The following ASB14 variants were observed in gnomAD, a reference collection of about 807,000 sequenced individuals.
ASB14 encodes ankyrin repeat and SOCS box containing 14, also known as ankyrin repeat and SOCS box protein 14.
In ASB14, 63 loss-of-function variants were observed where a neutral mutation model predicts 55.6. The observed-to-expected ratio is 1.13, with a 90% confidence interval of 0.92 to 1.40. ASB14 has a LOEUF of 1.40. Among genes scored for constraint, ASB14 ranks in the 40% most tolerant of loss-of-function variants. ASB14 has a pLI of 0.00. For missense variants in ASB14, 724 were observed against 710.4 expected (o/e 1.02, Z -0.22); for synonymous variants, 256 against 259.9 (o/e 0.98, Z 0.15).
chr3:57,280,251 AAGGT>A, intron 7 of ASB14, 47 bp downstream of exon 7: 1 of 1,241,786 alleles, frequency 8.1e-7, no homozygotes, highest in South Asian at 1.7e-5. Context: ...CACAAAATAA[AAGGT>A]AGCTATTACT....
In ASB14 at chr3:57,268,666, A is replaced by G; in HGVS notation, c.*975T>C. 1 of 518,682 alleles carries G rather than the reference A, an allele frequency of 1.9e-6. No individual in the cohort carries two copies. The highest frequency in any genetic ancestry group is 3.0e-6 in the Non-Finnish European group (1 of 330,118). 32.1% of individuals were successfully genotyped at this position (518,682 alleles called of 1,614,324 possible). A position where few individuals can be genotyped will look rare whatever the true frequency, so the allele number is the denominator to read the frequency against. On this transcript the variant is annotated 3_prime_UTR_variant, in exon 11 of 11. Transcript: ENST00000487349. Reference sequence around the variant, plus strand: ...ACATCTGTTTTTTGATATGATGTTTACATTATAGTTACGTTGACATGTAAT... The same window carrying G: ...ACATCTGTTTTTTGATATGATGTTTGCATTATAGTTACGTTGACATGTAAT...
At position 57,288,708 on chromosome 3, in the gene ASB14, C is replaced by CTTTTTTTTTTT. The variant is rs747854434; in HGVS notation, c.178+349_178+359dup. Among the ~76,000 whole-genome samples, 21 of 102,380 alleles carry CTTTTTTTTTTT rather than the reference C, an allele frequency of 2.1e-4. 1 individual carries two copies. The highest frequency in any genetic ancestry group is 1.6e-3 in the East Asian group (4 of 2,524). The allele number at this position is 102,380 out of a possible 152,430, so 67.2% of individuals were successfully genotyped here. On this transcript the variant is annotated intron_variant, in intron 3 of 10. Coordinates refer to ENST00000487349, the MANE Select transcript of ASB14 (RefSeq NM_001142733.3). Reference sequence around the variant, plus strand: ...GCCAGCCATCACCATCATATCTTTCCTTTTTTTTTTTTTTTTTTTTTTGTG... The same window carrying CTTTTTTTTTTT: ...GCCAGCCATCACCATCATATCTTTCCTTTTTTTTTTTTTTTTTTTTTTTTTTTTTTTTTGTG...
At chr3:57,286,444 CTAA>C (rs916119126) in intron 5 of ASB14, among the ~76,000 whole-genome samples, 6 of 141,108 alleles carry the variant, frequency 4.3e-5, no homozygotes, top group Middle Eastern at 3.5e-3. Flanking sequence ...ACAAAATTCT[CTAA>C]TAATTGGCTT....
intron 10 of ASB14, chr3:57,273,064 T>G (rs1429264945): frequency 6.6e-6 from 1 of 152,480 alleles, no homozygotes; most frequent in East Asian, 1.9e-4. Context: ...TAGTAAGACA[T>G]AAAGATTTGA....
chr3:57,271,250 T>A (rs974790598), intron 10 of ASB14: 3 of 152,604 alleles, frequency 2.0e-5, no homozygotes, highest in Non-Finnish European at 4.4e-5. Context: ...TTGTTTTCTG[T>A]AGGAATAGGA....
intron 5 of ASB14, 60 bp downstream of exon 5, chr3:57,287,841 C>G: frequency 6.7e-7 from 1 of 1,502,186 alleles, no homozygotes; most frequent in South Asian, 1.2e-5. Flanking sequence ...CCTTTGAAAC[C>G]TGGGGGCATG....
At chr3:57,269,647 A>G in intron 10 of ASB14, 29 bp from the exon 11 acceptor site, 1 of 1,614,054 alleles carries the variant, frequency 6.2e-7, no homozygotes, top group East Asian at 2.2e-5. Context: ...GAAGAGAGTG[A>G]TTTGGGAGAA....
chr3:57,277,853 T>A lies in ASB14; in HGVS notation c.1499A>T (p.Asp500Val), dbSNP rs776891555. 2 of 1,613,938 alleles carry A rather than the reference T, an allele frequency of 1.2e-6. No homozygotes were observed. The highest frequency in any genetic ancestry group is 1.7e-6 in the Non-Finnish European group (2 of 1,179,862). Residue 500 changes from aspartate to valine, a missense_variant, in exon 9 of 11, where the codon GAT becomes GTT. Physicochemically the swap from Asp to Val is radical, Grantham distance 152. Transcript: ENST00000487349. ...ACAGATCCGAACTTGATCAACATAA[T>A]CAAGCATCACTCGAACAACCTTTCC... The part of the protein sequence containing the change: ...LSGKVVRVML[D>V]YVDQVRICSK...
intron 10 of ASB14, 76 bp downstream of exon 10, chr3:57,276,452 T>G: frequency 9.2e-7 from 1 of 1,085,264 alleles, no homozygotes; most frequent in Non-Finnish European, 1.3e-6. Context: ...GCATTGAGAT[T>G]TTAGTTGGTG....
Position 57,269,434 on chromosome 3 carries a change from A to G in ASB14, c.*207T>C. ...TTATCAAGTTGTCAGAAGTATGCAT[A>G]CATATTTATGACAGAAGAAGTGGCT... On this transcript the variant is annotated 3_prime_UTR_variant, in exon 11 of 11. Coordinates refer to ENST00000487349, the MANE Select transcript of ASB14 (RefSeq NM_001142733.3). 2 of 1,127,820 alleles carry G rather than the reference A, an allele frequency of 1.8e-6. No individual in the cohort carries two copies. Among genetic ancestry groups the G allele is most frequent in the Non-Finnish European group, 2.5e-6 (2 of 809,972 alleles). The allele number at this position is 1,127,820 out of a possible 1,614,324, so 69.9% of individuals were successfully genotyped here. A position where few individuals can be genotyped will look rare whatever the true frequency, so the allele number is the denominator to read the frequency against.
chr3:57,292,232 A>G (rs1273304981), intron 1 of ASB14, 128 bp from the exon 2 acceptor site: 3 of 582,894 alleles, frequency 5.1e-6, no homozygotes, highest in Non-Finnish European at 7.9e-6. Context: ...AGTTTTGTGG[A>G]CTGCCACAGA....
chr3:57,275,148 G>A (rs879713152), intron 10 of ASB14, among the ~76,000 whole-genome samples: 8 of 151,912 alleles, frequency 5.3e-5, no homozygotes, highest in African/African-American at 7.3e-5. Flanking sequence ...AGTTACCTGC[G>A]GCCCAAAACT....
At chr3:57,279,228 C>T (rs2061016101) in intron 7 of ASB14, among the ~76,000 whole-genome samples, 2 of 149,300 alleles carry the variant, frequency 1.3e-5, no homozygotes, top group Admixed American at 1.3e-4. Context: ...GGTTAAACAG[C>T]CATTTCTAGT....
Position 57,279,694 on chromosome 3 carries a change from G to A in ASB14, c.887+608C>T, listed in dbSNP as rs143113413. 1.6e-3 allele frequency among the ~76,000 whole-genome samples: 248 copies of A among 152,100 alleles called. 1 individual carries two copies. Among genetic ancestry groups the A allele is most frequent in the African/African-American group, 4.4e-3 (183 of 41,510 alleles). ...GCCTGGCTGCAGGAGTTCAGTCAGC[G>A]TGGTGGGAAATATTATTAAAATTAT... is the stretch of plus-strand genomic sequence containing the variant. On this transcript the variant is annotated intron_variant, in intron 7 of 10. Coordinates refer to ENST00000487349, the MANE Select transcript of ASB14 (RefSeq NM_001142733.3).
chr3:57,277,144 G>A (rs1463733955), intron 9 of ASB14, among the ~76,000 whole-genome samples: 1 of 151,808 alleles, frequency 6.6e-6, no homozygotes, highest in Admixed American at 6.6e-5. Context: ...CTGCATGCCT[G>A]TAATCTCAGC....
rs2060929417 is a variant in ASB14, at chr3:57,270,507, GC to G, written c.*23-890del. 3.3e-5 allele frequency: 5 copies of G among 152,738 alleles called. No individual in the cohort carries two copies. In the South Asian group the frequency reaches 1.0e-3, roughly 32 times the overall value. The allele number at this position is 152,738 out of a possible 1,614,324, so 9.5% of individuals were successfully genotyped here. On this transcript the variant is annotated intron_variant, in intron 10 of 10. Coordinates refer to ENST00000487349, the MANE Select transcript of ASB14 (RefSeq NM_001142733.3). ...ATTAGGATTGACAAGTAAAGATACT[GC>G]TATGGAATGATACATTGTATTTTCT... is the stretch of plus-strand genomic sequence containing the variant.
intron 5 of ASB14, among the ~76,000 whole-genome samples, chr3:57,283,841 A>AAAAAAC (rs1026534910): frequency 1.3e-5 from 2 of 152,096 alleles, no homozygotes; most frequent in Non-Finnish European, 2.9e-5. Flanking sequence ...AAAATTAAAA[A>AAAAAAC]AAAAACAAAA....
Position 57,280,384 on chromosome 3 carries a change from G to C in ASB14, c.805C>G (p.Leu269Val). The change falls in exon 7 of 11, where the codon CTG becomes GTG. Residue 269 changes from leucine (L) to valine (V), a missense_variant. Coordinates refer to ENST00000487349, the MANE Select transcript of ASB14 (RefSeq NM_001142733.3). ...GGNPDAVALL[L>V]EYGADANIPK... Reference sequence around the variant, plus strand: ...ATGTTGGCATCAGCTCCATACTCCAGCAAGAGAGCCACAGCATCTGGATTT... The same window carrying C: ...ATGTTGGCATCAGCTCCATACTCCACCAAGAGAGCCACAGCATCTGGATTT... The C allele has an allele frequency of 1.3e-6, 2 of 1,551,558 alleles. 1 individual carries two copies. Among genetic ancestry groups the C allele is most frequent in the South Asian group, 2.4e-5 (2 of 84,060 alleles).
intron 2 of ASB14, among the ~76,000 whole-genome samples, chr3:57,291,562 T>C (rs918885517): frequency 6.6e-6 from 1 of 152,198 alleles, no homozygotes; most frequent in Non-Finnish European, 1.5e-5. Context: ...TAACTAACTT[T>C]CTATGTGTCC....
Sources: gnomAD v4.1 joint callset for allele counts (sites outside exome capture counted in the v4.1 genomes callset) on GRCh38, gnomAD v4.1.1 for gene constraint, MANE v1.5 for transcripts, NCBI Gene and HGNC (gene_info 2026-07-23, HGNC 2026-07-21) for gene names.